Variants in CACNA1C observed in about 807,000 individuals in gnomAD.
The protein encoded by CACNA1C is calcium voltage-gated channel subunit alpha1 C, also known as voltage-dependent L-type calcium channel subunit alpha-1C.
In CACNA1C, 30 loss-of-function variants were observed where a neutral mutation model predicts 229.0. The ratio of observed to expected loss-of-function variants is 0.13; its 90% confidence interval spans 0.10 to 0.18. The LOEUF (loss-of-function observed/expected upper bound fraction) is 0.18. Ranked by LOEUF, CACNA1C falls within the 10% of genes least tolerant of loss-of-function variation. The pLI is 1.00. For missense variants in CACNA1C, 1,658 were observed against 2,845.0 expected, an observed-to-expected ratio of 0.58 and a Z score of 9.49; for synonymous variants, 1,114 against 1,132.5, an observed-to-expected ratio of 0.98 and a Z score of 0.33.
At chr12:2,083,742 G>C (rs923168813) in intron 1 of CACNA1C, among the ~76,000 whole-genome samples, 7 of 152,208 alleles carry the variant, frequency 4.6e-5, no homozygotes, top group Non-Finnish European at 8.8e-5. Context: ...CCATATTTCA[G>C]TGCCAAGAAC....
At chr12:2,387,558 A>C (rs747952188) in intron 3 of CACNA1C, among the ~76,000 whole-genome samples, 24 of 151,952 alleles carry the variant, frequency 1.6e-4, no homozygotes, top group East Asian at 5.8e-4. Context: ...AGAAAGAAAG[A>C]AAGCAATGAC....
Position 2,176,067 on chromosome 12 carries a change from A to G in CACNA1C, c.477+55637A>G, listed in dbSNP as rs528709388. ...ATTTAGTTCAGGGATGATACAGGCT[A>G]TGGAGGAAAGCAAAGCAGGACAGGG... is the stretch of plus-strand genomic sequence containing the variant. On this transcript the variant is annotated intron_variant, in intron 3 of 46. Transcript: ENST00000399655. Among the ~76,000 whole-genome samples the G allele has an allele frequency of 2.7e-4, 41 of 152,210 alleles. No individual in the cohort carries two copies. In the South Asian group the frequency reaches 2.9e-3, roughly 11 times the overall value.
chr12:2,246,378 G>A (rs1024657176), intron 3 of CACNA1C, among the ~76,000 whole-genome samples: 1 of 152,184 alleles, frequency 6.6e-6, no homozygotes, highest in Non-Finnish European at 1.5e-5. Flanking sequence ...GGAGGCTGTA[G>A]TAAGGCCTTT....
chr12:2,242,896 G>T (rs773915793), intron 3 of CACNA1C, among the ~76,000 whole-genome samples: 1 of 152,236 alleles, frequency 6.6e-6, no homozygotes, highest in Non-Finnish European at 1.5e-5. Context: ...GTTAGCAGGG[G>T]CAAGTGTGGT....
intron 43 of CACNA1C, among the ~76,000 whole-genome samples, chr12:2,684,860 T>C (rs141020762): frequency 6.6e-6 from 1 of 152,144 alleles, no homozygotes; most frequent in African/African-American, 2.4e-5. Context: ...TGCACATCTA[T>C]AAATCATCCA....
chr12:2,270,787 ATTC>A (rs903609733), intron 3 of CACNA1C, among the ~76,000 whole-genome samples: 3 of 152,124 alleles, frequency 2.0e-5, no homozygotes, highest in African/African-American at 7.2e-5. Context: ...CACTATTCCA[ATTC>A]TTCTTTTGGG....
At chr12:2,154,076 C>G (rs993288408) in intron 3 of CACNA1C, among the ~76,000 whole-genome samples, 1 of 152,288 alleles carries the variant, frequency 6.6e-6, no homozygotes, top group Admixed American at 6.5e-5. Context: ...TTCTCTCACT[C>G]GAGTGATTTC....
intron 15 of CACNA1C, among the ~76,000 whole-genome samples, chr12:2,583,924 C>T (rs867178001): frequency 2.0e-5 from 3 of 152,184 alleles, no homozygotes; most frequent in African/African-American, 7.2e-5. Context: ...GCTATGCTTT[C>T]GTTGATTCTG....
chr12:2,061,130 C>CCT (rs1555092161), intron 1 of CACNA1C, among the ~76,000 whole-genome samples: 1 of 146,852 alleles, frequency 6.8e-6, no homozygotes, highest in East Asian at 2.0e-4. Context: ...AATCAAATCC[C>CCT]TTTTTTTTTT....
chr12:1,993,796 A>G (rs1391230452), intron 1 of CACNA1C, among the ~76,000 whole-genome samples: 1 of 152,228 alleles, frequency 6.6e-6, no homozygotes, highest in African/African-American at 2.4e-5. Context: ...CAATCTTGGT[A>G]GTTAATATTA....
chr12:2,472,889 G>A (rs2099600711), intron 5 of CACNA1C, among the ~76,000 whole-genome samples: 1 of 152,036 alleles, frequency 6.6e-6, no homozygotes, highest in African/African-American at 2.4e-5. Flanking sequence ...TATGCTTGTT[G>A]GTGCTGAGAC....
chr12:2,375,675 C>G (rs1013231953), intron 3 of CACNA1C, among the ~76,000 whole-genome samples: 1 of 152,198 alleles, frequency 6.6e-6, no homozygotes, highest in African/African-American at 2.4e-5. Flanking sequence ...CCTAAGGATG[C>G]TTATTATTGC....
At position 2,053,607 on chromosome 12, in the gene CACNA1C, C is replaced by T. The variant is rs749634035; in HGVS notation, c.45C>T (p.His15=). The change falls in exon 1 of 47, where the codon CAC becomes CAT. Residue 15 remains histidine (H), a synonymous_variant. Transcript: ENST00000399655. The surrounding 1 kb of genome is among the most constrained non-coding windows in gnomAD (Gnocchi z 5.8). Reference sequence around the variant, plus strand: ...GGATGTACATTCCAGAGGAAAACCACCAAGGTAAGGCTGGACCCCGCCGCC... The same window carrying T: ...GGATGTACATTCCAGAGGAAAACCATCAAGGTAAGGCTGGACCCCGCCGCC... ...NTRMYIPEEN[H]QGSNYGSPRP... 1.3e-6 allele frequency: 2 copies of T among 1,597,454 alleles called. No individual in the cohort carries two copies. The highest frequency in any genetic ancestry group is 1.7e-6 in the Non-Finnish European group (2 of 1,172,218).
intron 1 of CACNA1C, among the ~76,000 whole-genome samples, chr12:2,044,938 G>A (rs78718025): frequency 0.026 from 3,917 of 152,242 alleles, 61 homozygotes; most frequent in East Asian, 0.071. Context: ...GTGACCATTT[G>A]GGAAGGAATA....
chr12:2,606,844 C>T, intron 25 of CACNA1C, 140 bp from the exon 26 acceptor site: 2 of 1,063,606 alleles, frequency 1.9e-6, no homozygotes, highest in Non-Finnish European at 2.8e-6. Context: ...AGTTTCTGCC[C>T]ACTGAAGCTC....
intron 3 of CACNA1C, among the ~76,000 whole-genome samples, chr12:2,169,467 A>C (rs1258929337): frequency 6.6e-6 from 1 of 152,202 alleles, no homozygotes; most frequent in East Asian, 1.9e-4. Context: ...GGAAGGCCCA[A>C]GTCTAAGCAC....
rs531041390 is a variant in CACNA1C at position 2,159,068 on chromosome 12, T to C, written c.477+38638T>C. On this transcript the variant is annotated intron_variant, in intron 3 of 46. Coordinates refer to ENST00000399655, the MANE Select transcript of CACNA1C (RefSeq NM_000719.7). The stretch of plus-strand genomic sequence containing the variant: ...TAAGCATATTATTAAAAATATGGAA[T>C]GGAATACCAAAAGAAACAGCTAAGG... 7.2e-5 allele frequency among the ~76,000 whole-genome samples: 11 copies of C among 152,074 alleles called. No homozygotes were observed. In the East Asian group the frequency reaches 1.7e-3, roughly 24 times the overall value.
chr12:2,484,174 C>T (rs1032436529), intron 5 of CACNA1C, among the ~76,000 whole-genome samples: 2 of 152,098 alleles, frequency 1.3e-5, no homozygotes, highest in Non-Finnish European at 2.9e-5. Flanking sequence ...AAAATAGTTC[C>T]AAGAAGACAT....
chr12:2,513,277 C>T (rs1392519651), intron 9 of CACNA1C, among the ~76,000 whole-genome samples: 1 of 152,124 alleles, frequency 6.6e-6, no homozygotes, highest in Non-Finnish European at 1.5e-5. Context: ...AGATCCTTCT[C>T]CTCCAGGTTC....
Sources: allele counts gnomAD v4.1 joint callset (sites outside exome capture counted in the v4.1 genomes callset), GRCh38; gene constraint gnomAD v4.1.1; non-coding constraint Gnocchi (gnomAD v3.1); transcripts MANE v1.5; gene names NCBI Gene and HGNC (gene_info 2026-07-23, HGNC 2026-07-21).